Variants in PXDNL observed in about 807,000 individuals in gnomAD.
PXDNL encodes the protein probable oxidoreductase PXDNL.
In PXDNL, 145 loss-of-function variants were observed where a neutral mutation model predicts 150.8. The ratio of observed to expected loss-of-function variants is 0.96; its 90% CI spans 0.84 to 1.10. The LOEUF (loss-of-function observed/expected upper bound fraction) is 1.10, where lower values mean the gene tolerates loss of function less well. Ranked by LOEUF, PXDNL falls within the 50% of genes least tolerant of loss-of-function variation. The pLI, the probability that PXDNL is intolerant of heterozygous loss-of-function variation, is 0.00. For missense variants in PXDNL, 2,087 were observed against 1,873.9 expected, an observed-to-expected ratio of 1.11 and a Z score of -2.10; for synonymous variants, 757 against 725.7, an observed-to-expected ratio of 1.04 and a Z score of -0.69.
intron 4 of PXDNL, among the ~76,000 whole-genome samples, chr8:51,540,147 C>G (rs924888396): frequency 5.9e-5 from 9 of 152,118 alleles, no homozygotes; most frequent in African/African-American, 2.2e-4. Flanking sequence ...ATCCATACAC[C>G]TCAGCCTCCC....
At chr8:51,781,672 G>A (rs922739379) in intron 1 of PXDNL, among the ~76,000 whole-genome samples, 6 of 152,202 alleles carry the variant, frequency 3.9e-5, no homozygotes, top group Admixed American at 1.3e-4. Flanking sequence ...GCCAGAGACA[G>A]GAAAAGGCCA....
intron 19 of PXDNL, among the ~76,000 whole-genome samples, chr8:51,360,383 A>C (rs1427185233): frequency 2.0e-5 from 3 of 152,210 alleles, no homozygotes; most frequent in African/African-American, 7.2e-5. Context: ...CATGCATATG[A>C]CTATACATGT....
intron 21 of PXDNL, among the ~76,000 whole-genome samples, chr8:51,328,844 G>A (rs549266697): frequency 2.0e-5 from 3 of 152,268 alleles, no homozygotes; most frequent in East Asian, 3.9e-4. Flanking sequence ...GGGAGGGGAA[G>A]ATATCCTTCA....
At chr8:51,414,474 C>A (rs960261243) in intron 14 of PXDNL, among the ~76,000 whole-genome samples, 1 of 151,262 alleles carries the variant, frequency 6.6e-6, no homozygotes, top group African/African-American at 2.4e-5. Flanking sequence ...TTCTTCTTGG[C>A]AAACTAGATT....
rs71550276 is a variant in PXDNL at position 51,628,399 on chromosome 8, C to CTTTTTTTTTTTTTTTTTTTTTTTTT, written c.236+26289_236+26290insAAAAAAAAAAAAAAAAAAAAAAAAA. ...ATCTCTCTCTGTTTTCTTTTCTTTT[C>CTTTTTTTTTTTTTTTTTTTTTTTTT]TTTTTTTTTTTTTTTTTTTTTTTGG... On this transcript the variant is annotated intron_variant, in intron 2 of 22. Transcript: ENST00000356297. Among the ~76,000 whole-genome samples, 10 of 69,750 alleles carry CTTTTTTTTTTTTTTTTTTTTTTTTT rather than the reference C, an allele frequency of 1.4e-4. 1 individual carries two copies. Among genetic ancestry groups the CTTTTTTTTTTTTTTTTTTTTTTTTT allele is most frequent in the Non-Finnish European group, 1.9e-4 (8 of 41,348 alleles). The allele number at this position is 69,750 out of a possible 152,430, so 45.8% of individuals were successfully genotyped here. A position where few individuals can be genotyped will look rare whatever the true frequency, so the allele number is the denominator to read the frequency against.
At chr8:51,402,904 TACACACACAC>T (rs55768775) in intron 17 of PXDNL, among the ~76,000 whole-genome samples, 13 of 146,066 alleles carry the variant, frequency 8.9e-5, no homozygotes, top group South Asian at 4.4e-4. Flanking sequence ...CTACTAAAAA[TACACACACAC>T]ACACACACAC....
chr8:51,558,776 A>G (rs1365349266), intron 3 of PXDNL, among the ~76,000 whole-genome samples: 2 of 152,112 alleles, frequency 1.3e-5, no homozygotes, highest in Non-Finnish European at 2.9e-5. Context: ...TCAGTAAAGT[A>G]TGAATTCCAG....
At chr8:51,545,690 T>C (rs183523248) in intron 4 of PXDNL, among the ~76,000 whole-genome samples, 1 of 152,182 alleles carries the variant, frequency 6.6e-6, no homozygotes, top group Admixed American at 6.5e-5. Flanking sequence ...AGCACATCCT[T>C]TCATAAGGAA....
intron 1 of PXDNL, among the ~76,000 whole-genome samples, chr8:51,803,606 C>T (rs2037644190): frequency 6.6e-6 from 1 of 152,208 alleles, no homozygotes; most frequent in African/African-American, 2.4e-5. Flanking sequence ...CTCTTCCCTC[C>T]TTTTCCTCCA....
At chr8:51,607,898 T>TG in intron 2 of PXDNL, among the ~76,000 whole-genome samples, 1 of 42,068 alleles carries the variant, frequency 2.4e-5, no homozygotes, top group Admixed American at 2.5e-4. Context: ...GGAAGGAAGG[T>TG]GGGGAGGGAG....
intron 5 of PXDNL, among the ~76,000 whole-genome samples, chr8:51,498,995 T>C (rs1240616232): frequency 6.6e-6 from 1 of 152,208 alleles, no homozygotes; most frequent in African/African-American, 2.4e-5. Context: ...CCAGAAACAA[T>C]GCTGCTGCAA....
chr8:51,639,835 C>A (rs896902784), intron 2 of PXDNL, among the ~76,000 whole-genome samples: 1 of 152,120 alleles, frequency 6.6e-6, no homozygotes, highest in Non-Finnish European at 1.5e-5. Context: ...AAGTGGGAAT[C>A]CTCCCTAACT....
intron 2 of PXDNL, among the ~76,000 whole-genome samples, chr8:51,652,729 G>A (rs188930967): frequency 7.2e-5 from 11 of 152,222 alleles, no homozygotes; most frequent in African/African-American, 2.6e-4. Context: ...TGAAAGAAAG[G>A]AATATAGATA....
chr8:51,732,755 G>A (rs1816958685), intron 1 of PXDNL, among the ~76,000 whole-genome samples: 1 of 152,170 alleles, frequency 6.6e-6, no homozygotes, highest in African/African-American at 2.4e-5. Flanking sequence ...AGGCAAGAGA[G>A]CGTGTGTAGG....
intron 4 of PXDNL, among the ~76,000 whole-genome samples, chr8:51,526,345 T>A (rs1303797194): frequency 2.6e-5 from 4 of 151,968 alleles, no homozygotes; most frequent in Middle Eastern, 3.4e-3. Flanking sequence ...CTGTTTTTTT[T>A]TCTTTTTTTT....
chr8:51,393,564 T>C (rs1807974927), intron 17 of PXDNL, among the ~76,000 whole-genome samples: 2 of 152,238 alleles, frequency 1.3e-5, no homozygotes, highest in African/African-American at 4.8e-5. Context: ...AGTTGCGTAA[T>C]AGCAGTGCAC....
In PXDNL at chr8:51,744,079, AAG is replaced by A. The variant is rs1563307172; in HGVS notation, c.164+65100_164+65101del. 5.1e-3 allele frequency among the ~76,000 whole-genome samples: 488 copies of A among 96,096 alleles called. 13 individuals carry two copies. The highest frequency in any genetic ancestry group is 6.8e-3 in the Non-Finnish European group (319 of 47,210). The allele number at this position is 96,096 out of a possible 152,430, so 63.0% of individuals were successfully genotyped here. ...GAAGGAAGGAAGGAAGGAAGGAAGG[AAG>A]GAAGGAAGGAAGGAAAGAAAGAAAG... is the stretch of plus-strand genomic sequence containing the variant. On this transcript the variant is annotated intron_variant, in intron 1 of 22. Coordinates refer to ENST00000356297, the MANE Select transcript of PXDNL (RefSeq NM_144651.5).
intron 7 of PXDNL, among the ~76,000 whole-genome samples, chr8:51,474,022 G>A (rs1810415426): frequency 6.6e-6 from 1 of 152,212 alleles, no homozygotes; most frequent in African/African-American, 2.4e-5. Context: ...TAGTAGTAAA[G>A]ATGGGAGCTA....
intron 5 of PXDNL, among the ~76,000 whole-genome samples, chr8:51,497,987 T>A (rs1454358108): frequency 6.6e-6 from 1 of 152,256 alleles, no homozygotes; most frequent in African/African-American, 2.4e-5. Flanking sequence ...CACATGTATG[T>A]TTATTGTGGC....
Sources: allele counts gnomAD v4.1 joint callset (sites outside exome capture counted in the v4.1 genomes callset), GRCh38; gene constraint gnomAD v4.1.1; transcripts MANE v1.5; gene names NCBI Gene and HGNC (gene_info 2026-07-23, HGNC 2026-07-21).